Variants in LRRC4C observed in about 807,000 individuals in gnomAD.
LRRC4C encodes leucine rich repeat containing 4C, also known as leucine-rich repeat-containing protein 4C.
LRRC4C carries 5 observed loss-of-function variants against 33.6 expected under a neutral mutation model. The ratio of observed to expected loss-of-function variants is 0.15; its 90% CI spans 0.08 to 0.31. LRRC4C has a LOEUF of 0.31. LRRC4C is among the 10% of genes least tolerant of loss of function. The pLI is 1.00. For synonymous variants in LRRC4C, 329 were observed against 302.0 expected (o/e 1.09, Z -0.93); for missense variants, 560 against 796.7 (o/e 0.70, Z 3.58).
intron 2 of LRRC4C, among the ~76,000 whole-genome samples, chr11:40,776,236 T>C (rs1949987720): frequency 6.6e-6 from 1 of 151,930 alleles, no homozygotes; most frequent in Non-Finnish European, 1.5e-5. Flanking sequence ...TGTAATTTTC[T>C]TTTATCCTTG....
chr11:40,317,589 T>C (rs1945638519), intron 4 of LRRC4C, among the ~76,000 whole-genome samples: 1 of 152,102 alleles, frequency 6.6e-6, no homozygotes, highest in Non-Finnish European at 1.5e-5. Flanking sequence ...CATGCCCTTC[T>C]ATGTGTTTCA....
chr11:41,097,078 G>A (rs868439532), intron 1 of LRRC4C, among the ~76,000 whole-genome samples: 3 of 152,256 alleles, frequency 2.0e-5, no homozygotes, highest in Middle Eastern at 6.8e-3. Flanking sequence ...AGATGGGGCA[G>A]GTTCTCATGT....
intron 3 of LRRC4C, among the ~76,000 whole-genome samples, chr11:40,355,196 A>C (rs981784001): frequency 6.6e-6 from 1 of 152,084 alleles, no homozygotes; most frequent in African/African-American, 2.4e-5. Flanking sequence ...TCCAAGTTGC[A>C]AGACAAAGTC....
chr11:40,464,330 A>C (rs74422885), intron 3 of LRRC4C, among the ~76,000 whole-genome samples: 1 of 152,068 alleles, frequency 6.6e-6, no homozygotes, highest in South Asian at 2.1e-4. Context: ...ACACATATCA[A>C]AATAATAAAA....
At chr11:40,931,664 T>A (rs1412277325) in intron 2 of LRRC4C, among the ~76,000 whole-genome samples, 1 of 150,810 alleles carries the variant, frequency 6.6e-6, no homozygotes, top group Non-Finnish European at 1.5e-5. Flanking sequence ...GGTGTGTATG[T>A]GTGTGTGTGT....
At chr11:40,430,516 G>A (rs952936347) in intron 3 of LRRC4C, among the ~76,000 whole-genome samples, 3 of 152,034 alleles carry the variant, frequency 2.0e-5, no homozygotes, top group Non-Finnish European at 2.9e-5. Flanking sequence ...ATGGTCAGAC[G>A]AACCCATTTG....
intron 4 of LRRC4C, among the ~76,000 whole-genome samples, chr11:40,257,629 C>A (rs1201581489): frequency 1.3e-5 from 2 of 152,030 alleles, no homozygotes; most frequent in Non-Finnish European, 2.9e-5. Context: ...TATTTCCAGC[C>A]AATAAAACAT....
intron 5 of LRRC4C, among the ~76,000 whole-genome samples, chr11:40,217,226 A>G (rs1864042424): frequency 6.6e-6 from 1 of 152,118 alleles, no homozygotes. Flanking sequence ...TTTTACATGA[A>G]TTATCTCATG....
intron 5 of LRRC4C, among the ~76,000 whole-genome samples, chr11:40,147,462 C>T (rs1220332922): frequency 1.3e-5 from 2 of 152,058 alleles, no homozygotes; most frequent in Non-Finnish European, 2.9e-5. Flanking sequence ...TAGATTCCAA[C>T]CTTATCACCC....
At chr11:40,160,211 GTCCCACTTT>G (rs1859044581) in intron 5 of LRRC4C, among the ~76,000 whole-genome samples, 1 of 151,748 alleles carries the variant, frequency 6.6e-6, no homozygotes, top group African/African-American at 2.4e-5. Context: ...TTTACTATGA[GTCCCACTTT>G]TAAGTGAAGT....
chr11:40,625,947 C>T (rs969587840), intron 3 of LRRC4C, among the ~76,000 whole-genome samples: 5 of 152,252 alleles, frequency 3.3e-5, no homozygotes, highest in South Asian at 2.1e-4. Flanking sequence ...GCAGCCAACA[C>T]GATGCTATTA....
At chr11:40,831,302 A>AG (rs1197818799) in intron 2 of LRRC4C, among the ~76,000 whole-genome samples, 1 of 152,126 alleles carries the variant, frequency 6.6e-6, no homozygotes, top group Non-Finnish European at 1.5e-5. Context: ...GGTAGGAGAA[A>AG]GGATTTATGT....
intron 3 of LRRC4C, among the ~76,000 whole-genome samples, chr11:40,432,380 T>C (rs75083752): frequency 0.037 from 5,565 of 152,308 alleles, 344 homozygotes; most frequent in African/African-American, 0.13. Context: ...TGTTATAACA[T>C]GTTCTGTGCC....
chr11:41,099,932 G>A (rs752674909), intron 1 of LRRC4C, among the ~76,000 whole-genome samples: 14 of 152,050 alleles, frequency 9.2e-5, no homozygotes, highest in Non-Finnish European at 1.9e-4. Flanking sequence ...TCTGTATCTG[G>A]AAAACCCCAT....
intron 6 of LRRC4C, among the ~76,000 whole-genome samples, chr11:40,130,588 C>G (rs1008650708): frequency 1.3e-5 from 2 of 152,188 alleles, no homozygotes; most frequent in Admixed American, 1.3e-4. Context: ...CCCTTACTGC[C>G]TCTACCCACT....
At chr11:40,654,906 G>A (rs1409695905) in intron 2 of LRRC4C, among the ~76,000 whole-genome samples, 2 of 152,118 alleles carry the variant, frequency 1.3e-5, no homozygotes, top group Non-Finnish European at 2.9e-5. Flanking sequence ...GGGTGAGTGA[G>A]TTCTCACAAG....
intron 6 of LRRC4C, 116 bp downstream of exon 6, chr11:40,140,685 C>A (rs1444827312): frequency 1.3e-5 from 2 of 152,448 alleles, no homozygotes; most frequent in Non-Finnish European, 2.9e-5. Context: ...CTCGTGCTAG[C>A]AAAACCAGTC....
chr11:41,250,169 A>G (rs1591062814), intron 1 of LRRC4C, among the ~76,000 whole-genome samples: 1 of 152,278 alleles, frequency 6.6e-6, no homozygotes, highest in East Asian at 1.9e-4. Context: ...ACTTCATCTC[A>G]AAAAACAAAA....
chr11:41,117,092 A>AATGAAAAACTTGCGGCC (rs1942172402), intron 1 of LRRC4C, among the ~76,000 whole-genome samples: 1 of 152,090 alleles, frequency 6.6e-6, no homozygotes, highest in Non-Finnish European at 1.5e-5. Flanking sequence ...CCTGCTGGAG[A>AATGAAAAACTTGCGGCC]ATGAAAAACT....
Sources: gnomAD v4.1 joint callset for allele counts (sites outside exome capture counted in the v4.1 genomes callset) on GRCh38, gnomAD v4.1.1 for gene constraint, MANE v1.5 for transcripts, NCBI Gene and HGNC (gene_info 2026-07-23, HGNC 2026-07-21) for gene names.